The following ADGRV1 variants were observed in gnomAD, a reference collection of about 807,000 sequenced individuals.
ADGRV1 encodes the protein adhesion G protein-coupled receptor V1.
Under a neutral mutation model 596.2 loss-of-function variants are expected in ADGRV1, and 359 were observed. The ratio of observed to expected loss-of-function variants is 0.60; its 90% CI spans 0.55 to 0.66. ADGRV1 has a LOEUF of 0.66. ADGRV1 is among the 30% of genes least tolerant of loss of function. The pLI, the probability that ADGRV1 is intolerant of heterozygous loss-of-function variation, is 0.00. For missense variants in ADGRV1, 7,274 were observed against 7,575.6 expected (o/e 0.96, Z 1.48); for synonymous variants, 2,681 against 2,679.2 (o/e 1.00, Z -0.02).
chr5:90,678,293 C>A (rs1356687441), intron 25 of ADGRV1, among the ~76,000 whole-genome samples: 1 of 152,002 alleles, frequency 6.6e-6, no homozygotes, highest in African/African-American at 2.4e-5. Flanking sequence ...TATTTTTACT[C>A]TCCTTTTTTT....
intron 77 of ADGRV1, among the ~76,000 whole-genome samples, chr5:90,838,980 A>G (rs1765200138): frequency 6.6e-6 from 1 of 152,110 alleles, no homozygotes; most frequent in African/African-American, 2.4e-5. Flanking sequence ...TATTCATGTG[A>G]CCCTATTTAT....
intron 76 of ADGRV1, among the ~76,000 whole-genome samples, chr5:90,827,142 C>T (rs1472009385): frequency 6.6e-6 from 1 of 151,960 alleles, no homozygotes; most frequent in Non-Finnish European, 1.5e-5. Context: ...TAGTTCTGGT[C>T]CCTGGAAAAA....
intron 83 of ADGRV1, among the ~76,000 whole-genome samples, chr5:90,958,308 A>G (rs1777679267): frequency 6.7e-6 from 1 of 150,266 alleles, no homozygotes; most frequent in South Asian, 2.1e-4. Context: ...AAAAAAGAAA[A>G]GAAAAGAAAA....
chr5:90,742,541 A>C (rs969320854), intron 50 of ADGRV1, among the ~76,000 whole-genome samples: 1 of 152,164 alleles, frequency 6.6e-6, no homozygotes, highest in Admixed American at 6.5e-5. Context: ...TTATCCTAAA[A>C]GTATTGAGAT....
rs541740630 is a variant in ADGRV1 at position 91,037,493 on chromosome 5, G to T, written c.18153-34954G>T. On this transcript the variant is annotated intron_variant, in intron 85 of 89. Coordinates refer to ENST00000405460, the MANE Select transcript of ADGRV1 (RefSeq NM_032119.4). The stretch of plus-strand genomic sequence containing the variant: ...ATCATATATTAGTTAGGAGAGGGGG[G>T]ATAAAGTTAGTTATGTGGATGGAAA... Among the ~76,000 whole-genome samples, 4 of 152,212 alleles carry T rather than the reference G, an allele frequency of 2.6e-5. No homozygotes were observed. In the South Asian group the frequency reaches 6.2e-4, roughly 24 times the overall value.
chr5:90,964,960 T>A (rs1320529383), intron 83 of ADGRV1, among the ~76,000 whole-genome samples: 2 of 152,172 alleles, frequency 1.3e-5, no homozygotes, highest in Non-Finnish European at 2.9e-5. Context: ...TTAAACTCAT[T>A]TTAAGTCTAT....
intron 48 of ADGRV1, among the ~76,000 whole-genome samples, chr5:90,727,629 C>T (rs892374407): frequency 6.6e-6 from 1 of 152,156 alleles, no homozygotes; most frequent in Non-Finnish European, 1.5e-5. Context: ...CATAGGATAG[C>T]TATATTTCCT....
intron 84 of ADGRV1, among the ~76,000 whole-genome samples, chr5:90,981,377 C>T (rs1273760485): frequency 6.6e-6 from 1 of 152,172 alleles, no homozygotes; most frequent in Non-Finnish European, 1.5e-5. Flanking sequence ...GGCAGGTTGG[C>T]CCTAAGCAGT....
In ADGRV1 at chr5:90,805,566, A is replaced by C. The variant is rs542848909; in HGVS notation, c.14836+108A>C. On this transcript the variant is annotated intron_variant, in intron 72 of 89. Coordinates refer to ENST00000405460, the MANE Select transcript of ADGRV1 (RefSeq NM_032119.4). ...TTCTGGACACTAAATGTAGTTTTCGAATACAATGCTCCCATATTTAAGTGA... is the reference window on the plus strand; with the variant it reads ...TTCTGGACACTAAATGTAGTTTTCGCATACAATGCTCCCATATTTAAGTGA... The C allele has an allele frequency of 4.2e-4, 380 of 905,504 alleles. 1 individual carries two copies. The highest frequency in any genetic ancestry group is 5.7e-4 in the Non-Finnish European group (357 of 624,770). 56.1% of individuals were successfully genotyped at this position (905,504 alleles called of 1,614,324 possible). A position where few individuals can be genotyped will look rare whatever the true frequency, so the allele number is the denominator to read the frequency against.
chr5:90,973,552 C>A lies in ADGRV1; in HGVS notation c.17973+8021C>A, dbSNP rs527407867. The stretch of plus-strand genomic sequence containing the variant: ...GGATGCAAGGCTGGTTCAACATATG[C>A]AAATCAGTAAACGTAATCCAGCATA... On this transcript the variant is annotated intron_variant, in intron 84 of 89. Transcript: ENST00000405460. Among the ~76,000 whole-genome samples, 14 of 152,206 alleles carry A rather than the reference C, an allele frequency of 9.2e-5. 1 individual carries two copies. The East Asian group carries it at 2.3e-3, about 25-fold the overall frequency.
At chr5:90,975,769 G>T (rs1264942771) in intron 84 of ADGRV1, among the ~76,000 whole-genome samples, 1 of 151,924 alleles carries the variant, frequency 6.6e-6, no homozygotes, top group African/African-American at 2.4e-5. Context: ...GAGTTAATGG[G>T]TGCAGCACAC....
intron 75 of ADGRV1, among the ~76,000 whole-genome samples, chr5:90,818,678 G>C (rs879632598): frequency 6.7e-6 from 1 of 149,222 alleles, no homozygotes; most frequent in Non-Finnish European, 1.5e-5. Context: ...ATAATCATGT[G>C]GTTTTTGTCT....
intron 25 of ADGRV1, among the ~76,000 whole-genome samples, chr5:90,679,195 A>G (rs7721027): frequency 0.24 from 36,043 of 152,052 alleles, 5,492 homozygotes; most frequent in African/African-American, 0.42. Flanking sequence ...GCCTAAGTGT[A>G]TGATTATATA....
At chr5:91,092,467 G>A (rs1390191191) in intron 86 of ADGRV1, among the ~76,000 whole-genome samples, 1 of 152,134 alleles carries the variant, frequency 6.6e-6, no homozygotes, top group East Asian at 1.9e-4. Flanking sequence ...TAGAACTTCA[G>A]GTCTGCATGC....
In ADGRV1 at chr5:90,756,552, G is replaced by A; in HGVS notation, c.11679G>A (p.Arg3893=). The A allele has an allele frequency of 6.2e-7, 1 of 1,613,658 alleles. No individual in the cohort carries two copies. Among genetic ancestry groups the A allele is most frequent in the Non-Finnish European group, 8.5e-7 (1 of 1,179,638 alleles). The change falls in exon 56 of 90, where the codon AGG becomes AGA. Residue 3893 remains arginine, a synonymous_variant. Coordinates refer to ENST00000405460, the MANE Select transcript of ADGRV1 (RefSeq NM_032119.4). The part of the protein sequence containing the change: ...DFSTGQPSVR[R]PGMEIAEIMI... ...CTACAGGACAGCCAAGTGTGCGGAG[G>A]CCCGGAATGGAAATAGCTGAGATAA...
rs756136066 is a variant in ADGRV1 at position 91,150,213 on chromosome 5, A to T, written c.18616A>T (p.Met6206Leu). Residue 6206 changes from methionine (M) to leucine (L), a missense_variant, in exon 88 of 90, where the codon ATG becomes TTG. This residue lies in a region of ADGRV1 where 1,874 missense variants were observed against 1,970.2 expected (regional missense o/e 0.95). Coordinates refer to ENST00000405460, the MANE Select transcript of ADGRV1 (RefSeq NM_032119.4). ...SKSTQNLIGAMEEVPPDWERA... is the reference protein window; with the variant it reads ...SKSTQNLIGALEEVPPDWERA... The stretch of plus-strand genomic sequence containing the variant: ...GTCCACCCAGAATCTCATCGGTGCT[A>T]TGGAGGAGGTGTCTGCCCTTGCCCT... The T allele has an allele frequency of 2.6e-6, 4 of 1,565,550 alleles. No individual in the cohort carries two copies. Among genetic ancestry groups the T allele is most frequent in the Non-Finnish European group, 3.5e-6 (4 of 1,156,032 alleles).
At chr5:90,933,528 G>A (rs974796943) in intron 83 of ADGRV1, among the ~76,000 whole-genome samples, 5 of 152,168 alleles carry the variant, frequency 3.3e-5, no homozygotes, top group Non-Finnish European at 7.3e-5. Flanking sequence ...GGGAGATGAA[G>A]TTAGTGAGAT....
chr5:90,739,425 G>A (rs114612841), intron 50 of ADGRV1, among the ~76,000 whole-genome samples: 147 of 152,230 alleles, frequency 9.7e-4, no homozygotes, highest in Admixed American at 1.7e-3. Context: ...GGCTTTTCTA[G>A]TGTTCTGTGG....
rs1301148918 is a variant in ADGRV1 at position 90,745,109 on chromosome 5, A to G, written c.10613A>G (p.Gln3538Arg). 2 of 1,613,696 alleles carry G rather than the reference A, an allele frequency of 1.2e-6. No individual in the cohort carries two copies. Among genetic ancestry groups the G allele is most frequent in the African/African-American group, 2.7e-5 (2 of 74,914 alleles). Residue 3538 changes from glutamine to arginine, a missense_variant, in exon 51 of 90, where the codon CAA (glutamine) becomes CGA (arginine). Physicochemically the swap from Gln to Arg is conservative, Grantham distance 43. This residue lies in a region of ADGRV1 where 3,643 missense variants were observed against 3,809.2 expected (regional missense o/e 0.96). Coordinates refer to ENST00000405460, the MANE Select transcript of ADGRV1 (RefSeq NM_032119.4). ...ALYCWNSERN[Q>R]FSFVLEVPSA... Reference sequence around the variant, plus strand: ...TACTGCTGGAATTCGGAGCGTAATCAATTCTCTTTTGTTCTGGAAGTACCT... The same window carrying G: ...TACTGCTGGAATTCGGAGCGTAATCGATTCTCTTTTGTTCTGGAAGTACCT...
Sources: gnomAD v4.1 joint callset for allele counts (sites outside exome capture counted in the v4.1 genomes callset) on GRCh38, gnomAD v4.1.1 for gene constraint, gnomAD v4.1.1 regional missense constraint, MANE v1.5 for transcripts, NCBI Gene and HGNC (gene_info 2026-07-23, HGNC 2026-07-21) for gene names.